PTK2: variants seen among roughly 807,000 people sequenced by gnomAD.
The protein encoded by PTK2 is protein tyrosine kinase 2, also known as focal adhesion kinase 1.
Under a neutral mutation model 150.1 loss-of-function variants are expected in PTK2, and 45 were observed. The ratio of observed to expected loss-of-function variants is 0.30; its 90% CI spans 0.24 to 0.38. The LOEUF (loss-of-function observed/expected upper bound fraction) is 0.38, where lower values mean the gene tolerates loss of function less well. Ranked by LOEUF, PTK2 falls within the 10% of genes least tolerant of loss-of-function variation. The probability of loss-of-function intolerance (pLI) is 1.00; values close to 1 mark genes in which losing one functional copy is unlikely to be tolerated. For synonymous variants in PTK2, 432 were observed against 449.2 expected, an observed-to-expected ratio of 0.96 and a Z score of 0.48; for missense variants, 919 against 1,307.3, an observed-to-expected ratio of 0.70 and a Z score of 4.58.
chr8:140,830,598 A>T, intron 7 of PTK2, 72 bp from the exon 8 acceptor site: 1 of 872,052 alleles, frequency 1.1e-6, no homozygotes, highest in Non-Finnish European at 1.8e-6. Flanking sequence ...TTGCAAGAAC[A>T]TAAAAGCACT....
intron 13 of PTK2, 45 bp downstream of exon 13, chr8:140,793,309 C>T (rs761168601): frequency 2.8e-5 from 45 of 1,584,842 alleles, no homozygotes; most frequent in Admixed American, 7.3e-5. Context: ...TTTCCTTAAA[C>T]TTTCCAACAA....
intron 2 of PTK2, among the ~76,000 whole-genome samples, chr8:140,902,750 A>T (rs2100159027): frequency 6.6e-6 from 1 of 152,094 alleles, no homozygotes; most frequent in South Asian, 2.1e-4. Context: ...TGGCCACATA[A>T]ATGTCTTCTT....
chr8:140,973,513 G>A (rs2100188161), intron 1 of PTK2, among the ~76,000 whole-genome samples: 2 of 150,628 alleles, frequency 1.3e-5, no homozygotes, highest in South Asian at 2.1e-4. Flanking sequence ...AAAAAAAAAA[G>A]CAGCAGAAAA....
At chr8:140,711,169 T>C (rs2100036650) in intron 23 of PTK2, among the ~76,000 whole-genome samples, 1 of 151,730 alleles carries the variant, frequency 6.6e-6, no homozygotes, top group South Asian at 2.1e-4. Flanking sequence ...TGCAGTGGCG[T>C]GATCTCGGCT....
At chr8:140,874,034 T>C (rs190737940) in intron 4 of PTK2, among the ~76,000 whole-genome samples, 2 of 152,326 alleles carry the variant, frequency 1.3e-5, no homozygotes, top group South Asian at 2.1e-4. Context: ...TTGCATGTGA[T>C]GTTTCACTAC....
At chr8:140,685,641 C>T (rs72681703) in intron 27 of PTK2, among the ~76,000 whole-genome samples, 14 of 152,258 alleles carry the variant, frequency 9.2e-5, no homozygotes, top group Non-Finnish European at 1.3e-4. Context: ...TGAAAAAATG[C>T]CCAATATCAC....
intron 1 of PTK2, among the ~76,000 whole-genome samples, chr8:140,998,646 G>A (rs1211288482): frequency 6.6e-6 from 1 of 151,684 alleles, no homozygotes; most frequent in Non-Finnish European, 1.5e-5. Context: ...GCGAAACCCC[G>A]TCTCTACTAA....
intron 2 of PTK2, among the ~76,000 whole-genome samples, chr8:140,918,446 A>G (rs2100166164): frequency 6.6e-6 from 1 of 152,212 alleles, no homozygotes; most frequent in Non-Finnish European, 1.5e-5. Flanking sequence ...CACTGTGAAC[A>G]TTTACATTTA....
intron 11 of PTK2, among the ~76,000 whole-genome samples, chr8:140,803,185 T>C (rs73373511): frequency 0.037 from 5,672 of 151,760 alleles, 281 homozygotes; most frequent in African/African-American, 0.11. Flanking sequence ...TGGCTTATCT[T>C]TGTATTTTTA....
At chr8:140,920,008 T>C (rs1023450744) in intron 2 of PTK2, among the ~76,000 whole-genome samples, 1 of 152,146 alleles carries the variant, frequency 6.6e-6, no homozygotes, top group Non-Finnish European at 1.5e-5. Context: ...ATACCTCTAC[T>C]CATAAAACTG....
At chr8:140,941,515 A>G (rs1167765950) in intron 1 of PTK2, among the ~76,000 whole-genome samples, 1 of 152,224 alleles carries the variant, frequency 6.6e-6, no homozygotes, top group Non-Finnish European at 1.5e-5. Context: ...TATATCCTGA[A>G]GATCGTAAAA....
intron 22 of PTK2, among the ~76,000 whole-genome samples, chr8:140,723,634 C>T (rs752231351): frequency 6.6e-6 from 1 of 152,210 alleles, no homozygotes; most frequent in Non-Finnish European, 1.5e-5. Context: ...TACATTCCAT[C>T]TGAAAGCTCT....
At position 140,769,603 on chromosome 8, in the gene PTK2, G is replaced by A. The variant is rs751692754; in HGVS notation, c.1178-5313C>T. ...CCCCACTAATTTCATCTGCAGATCC[G>A]GGTGGCATGCAAAGAAAGGGAAGTA... On this transcript the variant is annotated intron_variant, in intron 14 of 31. Transcript: ENST00000522684. 7 of 1,359,872 alleles carry A rather than the reference G, an allele frequency of 5.1e-6. 1 individual carries two copies. The highest frequency in any genetic ancestry group is 2.1e-4 in the Middle Eastern group (1 of 4,866). 84.2% of individuals were successfully genotyped at this position (1,359,872 alleles called of 1,614,324 possible).
chr8:140,677,157 C>T (rs1303076905), intron 27 of PTK2, among the ~76,000 whole-genome samples: 1 of 152,044 alleles, frequency 6.6e-6, no homozygotes, highest in African/African-American at 2.4e-5. Flanking sequence ...CCAGGACTTC[C>T]CAGTGTCTGC....
At chr8:140,856,402 A>C (rs1188355282) in intron 5 of PTK2, among the ~76,000 whole-genome samples, 1 of 151,766 alleles carries the variant, frequency 6.6e-6, no homozygotes, top group African/African-American at 2.4e-5. Context: ...AAAACAAAAC[A>C]GTCCAGATGT....
chr8:140,852,428 T>TAC (rs142186413), intron 5 of PTK2, among the ~76,000 whole-genome samples: 2,297 of 151,766 alleles, frequency 0.015, 28 homozygotes, highest in Admixed American at 0.035. Flanking sequence ...TGCACAGAAT[T>TAC]ACACACACAC....
chr8:140,842,522 A>T lies in PTK2; in HGVS notation c.593+3738T>A, dbSNP rs929344181. 3.9e-5 allele frequency among the ~76,000 whole-genome samples: 6 copies of T among 152,238 alleles called. No homozygotes were observed. In the South Asian group the frequency reaches 1.2e-3, roughly 32 times the overall value. The stretch of plus-strand genomic sequence containing the variant: ...ACGACAATCTCATATATAGGTAGGT[A>T]TCACCATTATCCCCATTTTACACGT... On this transcript the variant is annotated intron_variant, in intron 7 of 31. Coordinates refer to ENST00000522684, the Ensembl canonical transcript of PTK2.
chr8:140,816,199 G>T (rs187234232), intron 10 of PTK2, among the ~76,000 whole-genome samples: 10 of 152,186 alleles, frequency 6.6e-5, no homozygotes, highest in African/African-American at 2.2e-4. Context: ...ATTTTAAATT[G>T]TAAGTGGCAA....
At chr8:140,961,228 A>C (rs769183907) in intron 1 of PTK2, among the ~76,000 whole-genome samples, 15 of 152,232 alleles carry the variant, frequency 9.9e-5, no homozygotes, top group South Asian at 6.2e-4. Context: ...GGATGGTATC[A>C]AACAGCCAAC....
Sources: gnomAD v4.1 joint callset for allele counts (sites outside exome capture counted in the v4.1 genomes callset) on GRCh38, gnomAD v4.1.1 for gene constraint, MANE v1.5 for transcripts, NCBI Gene and HGNC (gene_info 2026-07-23, HGNC 2026-07-21) for gene names.